Variants in PDE9A observed in about 807,000 individuals in gnomAD.
The protein encoded by PDE9A is high affinity cGMP-specific 3',5'-cyclic phosphodiesterase 9A.
Under a neutral mutation model 87.4 loss-of-function variants are expected in PDE9A, and 60 were observed. That is an observed-to-expected ratio of 0.69 (90% CI 0.56 to 0.85). The LOEUF (loss-of-function observed/expected upper bound fraction) is 0.85, where lower values mean the gene tolerates loss of function less well. PDE9A is among the 40% of genes least tolerant of loss of function. The pLI, the probability that PDE9A is intolerant of heterozygous loss-of-function variation, is 0.00. For missense variants in PDE9A, 665 were observed against 779.0 expected, an observed-to-expected ratio of 0.85 and a Z score of 1.74; for synonymous variants, 272 against 279.4, an observed-to-expected ratio of 0.97 and a Z score of 0.27.
chr21:42,690,935 C>T (rs1020361653), intron 3 of PDE9A, among the ~76,000 whole-genome samples: 17 of 152,258 alleles, frequency 1.1e-4, no homozygotes, highest in Middle Eastern at 3.4e-3. Context: ...GTCACCCAGC[C>T]CATCACCATC....
intron 1 of PDE9A, among the ~76,000 whole-genome samples, chr21:42,670,605 TCACA>T (rs200801154): frequency 1.3e-5 from 2 of 150,170 alleles, no homozygotes; most frequent in Non-Finnish European, 3.0e-5. Context: ...ACACATGCAC[TCACA>T]CACTATCACA....
chr21:42,717,643 C>T (rs576174723), intron 4 of PDE9A, among the ~76,000 whole-genome samples: 1 of 151,632 alleles, frequency 6.6e-6, no homozygotes, highest in African/African-American at 2.4e-5. Context: ...CCACCCACCT[C>T]GGCCTCCCAA....
intron 3 of PDE9A, chr21:42,689,589 TC>T (rs2059674726): frequency 3.0e-6 from 3 of 985,454 alleles, no homozygotes; most frequent in Non-Finnish European, 3.6e-6. Context: ...TGCTTTGTTT[TC>T]CTGAAGTCAT....
chr21:42,753,883 G>T, intron 9 of PDE9A, 107 bp from the exon 10 acceptor site: 8 of 551,168 alleles, frequency 1.5e-5, no homozygotes, highest in Admixed American at 6.8e-5. Context: ...AAAAAAGAAA[G>T]AAAGAAAAAG....
intron 1 of PDE9A, 28 bp downstream of exon 1, chr21:42,653,911 C>T (rs886212396): frequency 2.4e-5 from 33 of 1,351,474 alleles, no homozygotes; most frequent in Non-Finnish European, 3.3e-5. Context: ...CAGACACCCC[C>T]TCCTCCCCCC....
rs752119617 is a variant in PDE9A, at chr21:42,762,175, T to TCGC, written c.1181_1183dup (p.Ala394dup). 6.2e-7 allele frequency: 1 copy of TCGC among 1,614,146 alleles called. No homozygotes were observed. Among genetic ancestry groups the TCGC allele is most frequent in the Non-Finnish European group, 8.5e-7 (1 of 1,180,002 alleles). ...CACTGCGCCGTGGCCTTCCAGATCC[T>TCGC]CGCCGAGCCTGAGTGCAACATCTTC... On this transcript the variant is annotated inframe_insertion, in exon 14 of 20. Transcript: ENST00000291539.
At chr21:42,657,107 A>G (rs2057135062) in intron 1 of PDE9A, among the ~76,000 whole-genome samples, 1 of 152,212 alleles carries the variant, frequency 6.6e-6, no homozygotes, top group African/African-American at 2.4e-5. Flanking sequence ...TTCCCTGACG[A>G]TCGGCTTTGC....
intron 8 of PDE9A, 53 bp downstream of exon 8, chr21:42,743,913 A>G (rs2053575304): frequency 2.0e-6 from 2 of 1,020,392 alleles, no homozygotes; most frequent in Admixed American, 2.0e-5. Flanking sequence ...GGCTCCCCGT[A>G]CCAGTTGGGC....
chr21:42,666,453 C>T (rs569285391), intron 1 of PDE9A, among the ~76,000 whole-genome samples: 6 of 152,258 alleles, frequency 3.9e-5, no homozygotes, highest in Admixed American at 6.5e-5. Context: ...CTGAAGGTGC[C>T]GAGGCCCCAC....
intron 1 of PDE9A, among the ~76,000 whole-genome samples, chr21:42,680,711 C>G (rs1411003825): frequency 6.6e-6 from 1 of 152,228 alleles, no homozygotes; most frequent in Non-Finnish European, 1.5e-5. Flanking sequence ...CACTGCTGAT[C>G]AACCCCAACA....
chr21:42,689,828 TATGGAC>T lies in PDE9A; in HGVS notation c.218+1839_218+1844del, dbSNP rs369441750. The T allele has an allele frequency of 6.5e-5, 64 of 985,280 alleles. 1 individual carries two copies. In the East Asian group the frequency reaches 7.0e-3, roughly 108 times the overall value. 61.0% of individuals were successfully genotyped at this position (985,280 alleles called of 1,614,324 possible). A position where few individuals can be genotyped will look rare whatever the true frequency, so the allele number is the denominator to read the frequency against. ...GACAGAGACAGATGAGGTACCATGATATGGACATGGCAGTGGACGTGGACAGGGGAG... is the reference window on the plus strand; with the variant it reads ...GACAGAGACAGATGAGGTACCATGATATGGCAGTGGACGTGGACAGGGGAG... On this transcript the variant is annotated intron_variant, in intron 3 of 19. Transcript: ENST00000291539.
chr21:42,740,575 ATGGATGGG>A (rs147352999), intron 7 of PDE9A, among the ~76,000 whole-genome samples: 6,372 of 75,290 alleles, frequency 0.085, 492 homozygotes, highest in African/African-American at 0.3. Context: ...GAATGCATAG[ATGGATGGG>A]TGGATGGATG....
In PDE9A at chr21:42,719,999, G is replaced by A. The variant is rs570986073; in HGVS notation, c.263-11771G>A. ...CATTTGGCATAGAGTCAAAGCCTCA[G>A]ACACGATGAGCCAGAGTTGATTTCC... On this transcript the variant is annotated intron_variant, in intron 4 of 19. Transcript: ENST00000291539. Among the ~76,000 whole-genome samples the A allele has an allele frequency of 2.0e-5, 3 of 152,316 alleles. No homozygotes were observed. The South Asian group carries it at 6.2e-4, about 32-fold the overall frequency.
Position 42,692,116 on chromosome 21 carries a change from T to C in PDE9A, c.218+4122T>C, listed in dbSNP as rs1455293335. On this transcript the variant is annotated intron_variant, in intron 3 of 19. Coordinates refer to ENST00000291539, the MANE Select transcript of PDE9A (RefSeq NM_002606.3). The surrounding 1 kb of genome is among the most constrained non-coding windows in gnomAD (Gnocchi z 4.3). ...ACGGTCTTCTCTCATAGGAAGGAAA[T>C]TTCACCTTGCTCTCTGCTGGATTTC... 6.6e-6 allele frequency among the ~76,000 whole-genome samples: 1 copy of C among 152,202 alleles called. No homozygotes were observed. Among genetic ancestry groups the C allele is most frequent in the Non-Finnish European group, 1.5e-5 (1 of 68,034 alleles).
intron 1 of PDE9A, among the ~76,000 whole-genome samples, chr21:42,684,164 A>G (rs1434140220): frequency 6.6e-6 from 1 of 152,124 alleles, no homozygotes; most frequent in East Asian, 1.9e-4. Context: ...GAAGACACCA[A>G]CCTCCTCAGC....
chr21:42,745,549 G>C (rs923466679), intron 8 of PDE9A, among the ~76,000 whole-genome samples: 7 of 152,250 alleles, frequency 4.6e-5, no homozygotes, highest in African/African-American at 9.6e-5. Flanking sequence ...GGGTCCCAAG[G>C]CTGGGACCTG....
At chr21:42,743,020 G>T (rs1214786327) in intron 7 of PDE9A, among the ~76,000 whole-genome samples, 1 of 152,202 alleles carries the variant, frequency 6.6e-6, no homozygotes, top group Non-Finnish European at 1.5e-5. Context: ...TTGGGAAAGG[G>T]CTGTTACAGT....
chr21:42,662,960 C>A (rs924444386), intron 1 of PDE9A, among the ~76,000 whole-genome samples: 3 of 149,066 alleles, frequency 2.0e-5, no homozygotes, highest in Non-Finnish European at 3.0e-5. Flanking sequence ...ACATCACATG[C>A]ACACGCCACG....
intron 7 of PDE9A, among the ~76,000 whole-genome samples, chr21:42,743,301 A>G (rs1376004202): frequency 6.6e-6 from 1 of 152,238 alleles, no homozygotes; most frequent in East Asian, 1.9e-4. Context: ...GGACGTTCCA[A>G]TGAAAAGCTT....
Sources: gnomAD v4.1 joint callset for allele counts (sites outside exome capture counted in the v4.1 genomes callset) on GRCh38, gnomAD v4.1.1 for gene constraint, Gnocchi (gnomAD v3.1) non-coding constraint, MANE v1.5 for transcripts, NCBI Gene and HGNC (gene_info 2026-07-23, HGNC 2026-07-21) for gene names.